Variants in RANBP2 observed in about 807,000 individuals in gnomAD.
RANBP2 encodes RAN binding protein 2, also known as E3 SUMO-protein ligase RanBP2.
In RANBP2, 57 loss-of-function variants were observed where a neutral mutation model predicts 303.6. That is an observed-to-expected ratio of 0.19 (90% confidence interval 0.15 to 0.23). RANBP2 has a LOEUF of 0.23. Ranked by LOEUF, RANBP2 falls within the 10% of genes least tolerant of loss-of-function variation. The probability of loss-of-function intolerance (pLI) is 1.00; values close to 1 mark genes in which losing one functional copy is unlikely to be tolerated. For synonymous variants in RANBP2, 1,167 were observed against 1,301.5 expected (o/e 0.90, Z 2.23); for missense variants, 3,138 against 3,780.8 (o/e 0.83, Z 4.46).
the RANBP2 span, among the ~76,000 whole-genome samples, chr2:109,578,094 T>A: frequency 6.6e-6 from 1 of 151,912 alleles, no homozygotes; most frequent in African/African-American, 2.4e-5. Flanking sequence ...AGAACCACTA[T>A]AAGCATAGAA....
the RANBP2 span, among the ~76,000 whole-genome samples, chr2:109,741,227 C>T: frequency 7.0e-6 from 1 of 143,582 alleles, no homozygotes; most frequent in East Asian, 2.1e-4. Flanking sequence ...GGGACTTATT[C>T]CAGATATGCA....
At chr2:108,926,857 T>C in the RANBP2 span, among the ~76,000 whole-genome samples, 2 of 152,194 alleles carry the variant, frequency 1.3e-5, no homozygotes, top group Admixed American at 6.5e-5. Context: ...GATTCAGGAA[T>C]GAACGCAGCC....
the RANBP2 span, among the ~76,000 whole-genome samples, chr2:109,336,819 G>A: frequency 6.6e-6 from 1 of 152,164 alleles, no homozygotes; most frequent in Non-Finnish European, 1.5e-5. Flanking sequence ...TGGAAATGGG[G>A]TGCCGAGGGA....
the RANBP2 span, among the ~76,000 whole-genome samples, chr2:109,466,537 C>T: frequency 6.6e-6 from 1 of 152,190 alleles, no homozygotes; most frequent in African/African-American, 2.4e-5. Context: ...CTTGTTTTCT[C>T]ATTCTCTTGA....
chr2:109,078,094 A>ATATATATATATATAGCG, the RANBP2 span, among the ~76,000 whole-genome samples: 3 of 9,684 alleles, frequency 3.1e-4, 1 homozygote, highest in African/African-American at 5.7e-4. Flanking sequence ...ATATATATAT[A>ATATATATATATATAGCG]TATATATATA....
At chr2:108,852,877 G>T in the RANBP2 span, among the ~76,000 whole-genome samples, 136,667 of 152,076 alleles carry the variant, frequency 0.9, 61,477 homozygotes, top group East Asian at 1. Context: ...AACCTGCACA[G>T]GTACCCCTGA....
At chr2:109,494,980 G>A in the RANBP2 span, among the ~76,000 whole-genome samples, 4 of 152,254 alleles carry the variant, frequency 2.6e-5, no homozygotes, top group Admixed American at 6.5e-5. Context: ...CCGGGTCAGC[G>A]AGGCTGGCAG....
the RANBP2 span, chr2:109,501,698 A>T: frequency 1.4e-6 from 1 of 736,054 alleles, no homozygotes; most frequent in South Asian, 1.4e-5. Flanking sequence ...CACCCAGCTC[A>T]CAGAGGGGGA....
At chr2:109,794,614 G>GGGC in the RANBP2 span, 87 of 73,648 alleles carry the variant, frequency 1.2e-3, no homozygotes, top group African/African-American at 7.3e-3. Context: ...GCGGCGGGGG[G>GGGC]GGCGGCGGCG....
the RANBP2 span, chr2:108,897,057 G>T: frequency 6.2e-7 from 1 of 1,614,168 alleles, no homozygotes; most frequent in South Asian, 1.1e-5. Context: ...TGCTGATGCG[G>T]TCAAAGAGTT....
the RANBP2 span, among the ~76,000 whole-genome samples, chr2:109,528,409 G>A: frequency 2.6e-5 from 4 of 152,246 alleles, no homozygotes; most frequent in Non-Finnish European, 5.9e-5. Flanking sequence ...CATGGCCCAT[G>A]GGAAAGTGTC....
At chr2:109,409,860 A>G in the RANBP2 span, among the ~76,000 whole-genome samples, 78,567 of 151,806 alleles carry the variant, frequency 0.52, 20,620 homozygotes, top group Middle Eastern at 0.57. Context: ...ATGGAGTGGT[A>G]GCGAGTGATG....
At chr2:108,793,604 G>GT in the RANBP2 span, among the ~76,000 whole-genome samples, 279 of 145,508 alleles carry the variant, frequency 1.9e-3, 3 homozygotes, top group South Asian at 0.01. Flanking sequence ...GTTTTGTTTT[G>GT]TTTTTTTTTT....
the RANBP2 span, among the ~76,000 whole-genome samples, chr2:109,123,319 TTTCCTTCCTTCCTTCCTTCCTTCCTTCC>T: frequency 9.6e-4 from 125 of 130,064 alleles, no homozygotes; most frequent in African/African-American, 3.6e-3. Context: ...CTTTTCTTTC[TTTCCTTCCTTCCTTCCTTCCTTCCTTCC>T]TTCCTTCCTT....
the RANBP2 span, among the ~76,000 whole-genome samples, chr2:109,130,411 C>G: frequency 6.6e-6 from 1 of 152,230 alleles, no homozygotes; most frequent in East Asian, 1.9e-4. Context: ...CTTAGCATCG[C>G]CCTTGCGTCT....
At chr2:109,717,863 G>A in the RANBP2 span, among the ~76,000 whole-genome samples, 8 of 151,936 alleles carry the variant, frequency 5.3e-5, no homozygotes, top group Non-Finnish European at 1.0e-4. Flanking sequence ...GCAGTGAGCC[G>A]AGATCACACC....
At chr2:109,688,781 TA>T in the RANBP2 span, among the ~76,000 whole-genome samples, 1,071 of 43,724 alleles carry the variant, frequency 0.024, 11 homozygotes, top group Admixed American at 0.062. Flanking sequence ...TCTGTCTCAA[TA>T]AAAAAAAAAA....
chr2:108,918,834 G>A, the RANBP2 span, among the ~76,000 whole-genome samples: 58 of 151,974 alleles, frequency 3.8e-4, no homozygotes, highest in African/African-American at 1.4e-3. Flanking sequence ...CTCTGCAGAG[G>A]GTAAAAGATT....
At chr2:108,887,735 A>G in the RANBP2 span, among the ~76,000 whole-genome samples, 1 of 152,192 alleles carries the variant, frequency 6.6e-6, no homozygotes, top group African/African-American at 2.4e-5. Flanking sequence ...GTATCCTGCA[A>G]CTTTACTCAA....
Sources: allele counts gnomAD v4.1 joint callset (sites outside exome capture counted in the v4.1 genomes callset), GRCh38; gene constraint gnomAD v4.1.1; transcripts MANE v1.5; gene names NCBI Gene and HGNC (gene_info 2026-07-23, HGNC 2026-07-21).